Variants in ATG7 observed in about 807,000 individuals in gnomAD.
ATG7 encodes ubiquitin-like modifier-activating enzyme ATG7.
In ATG7, 70 loss-of-function variants were observed where a neutral mutation model predicts 82.4. The observed-to-expected ratio is 0.85, with a 90% CI of 0.70 to 1.04. The LOEUF (loss-of-function observed/expected upper bound fraction) is 1.04, where lower values mean the gene tolerates loss of function less well. Among genes scored for constraint, ATG7 ranks in the 50% least tolerant of loss-of-function variants. The pLI, the probability that ATG7 is intolerant of heterozygous loss-of-function variation, is 0.00. For synonymous variants in ATG7, 287 were observed against 313.0 expected (o/e 0.92, Z 0.88); for missense variants, 792 against 864.3 (o/e 0.92, Z 1.05).
At chr3:11,512,900 G>A (rs1001288809) in intron 20 of ATG7, among the ~76,000 whole-genome samples, 11 of 152,128 alleles carry the variant, frequency 7.2e-5, no homozygotes, top group Non-Finnish European at 1.3e-4. Flanking sequence ...GCTGATTGGT[G>A]CGTTTACAAT....
chr3:11,469,712 A>G (rs148425353), intron 20 of ATG7, among the ~76,000 whole-genome samples: 250 of 150,796 alleles, frequency 1.7e-3, no homozygotes, highest in African/African-American at 5.7e-3. Context: ...GGGGCCAAGC[A>G]TGGTGGCTCC....
intron 20 of ATG7, among the ~76,000 whole-genome samples, chr3:11,452,605 G>C (rs987873816): frequency 3.9e-4 from 59 of 152,156 alleles, no homozygotes; most frequent in African/African-American, 1.4e-3. Flanking sequence ...GTAGGGAAAA[G>C]ACCAAGGAGT....
chr3:11,406,824 AC>A (rs1241638138), intron 19 of ATG7, among the ~76,000 whole-genome samples: 1 of 151,832 alleles, frequency 6.6e-6, no homozygotes, highest in African/African-American at 2.4e-5. Context: ...GGAAAGACCC[AC>A]CCCCATGATT....
At position 11,514,840 on chromosome 3, in the gene ATG7, G is replaced by GTT. The variant is rs751529129; in HGVS notation, c.2080-39955_2080-39954dup. Among the ~76,000 whole-genome samples the GTT allele has an allele frequency of 3.3e-3, 458 of 139,890 alleles. 4 individuals are homozygous for GTT. The highest frequency in any genetic ancestry group is 8.3e-3 in the African/African-American group (317 of 38,004). The allele number at this position is 139,890 out of a possible 152,430, so 91.8% of individuals were successfully genotyped here. ...AAGTTGCCAAGTGCATCTGGTCTAG[G>GTT]TTTTTTTTTTTTTTTTTGGAGAGAG... is the stretch of plus-strand genomic sequence containing the variant. On this transcript the variant is annotated intron_variant, in intron 20 of 20. Transcript: ENST00000693202.
intron 10 of ATG7, chr3:11,332,697 G>C (rs957942548): frequency 4.3e-6 from 1 of 231,254 alleles, no homozygotes; most frequent in African/African-American, 2.3e-5. Context: ...AGATTTACTT[G>C]TCGGAATTAT....
intron 3 of ATG7, among the ~76,000 whole-genome samples, chr3:11,296,553 G>A (rs543868591): frequency 8.5e-5 from 13 of 152,096 alleles, no homozygotes; most frequent in Admixed American, 1.3e-4. Context: ...TACCCACTGC[G>A]GAATCATATT....
At chr3:11,506,584 ACCC>A (rs1379226701) in intron 20 of ATG7, among the ~76,000 whole-genome samples, 1,548 of 13,562 alleles carry the variant, frequency 0.11, 52 homozygotes, top group African/African-American at 0.21. Context: ...AAAAAAAAAA[ACCC>A]AAAAATTAGC....
chr3:11,433,289 TAAAAAAAAAAAAAAA>T (rs56859088), intron 20 of ATG7, among the ~76,000 whole-genome samples: 1 of 83,802 alleles, frequency 1.2e-5, no homozygotes, highest in Non-Finnish European at 2.3e-5. Flanking sequence ...GTCTCTTATT[TAAAAAAAAAAAAAAA>T]AAAAAAAAAA....
chr3:11,281,025 C>T lies in ATG7; in HGVS notation c.-334C>T, dbSNP rs1468560023. On this transcript the variant is annotated 5_prime_UTR_variant, in exon 2 of 21. Transcript: ENST00000693202. Reference sequence around the variant, plus strand: ...ATTCCTGTATCTTCACCTTGTCTACCGGGATTTCTAGAGCAGCCTTGTGAG... The same window carrying T: ...ATTCCTGTATCTTCACCTTGTCTACTGGGATTTCTAGAGCAGCCTTGTGAG... The T allele has an allele frequency of 6.6e-6, 1 of 152,170 alleles. No individual in the cohort carries two copies. Among genetic ancestry groups the T allele is most frequent in the African/African-American group, 2.4e-5 (1 of 41,432 alleles). The allele number at this position is 152,170 out of a possible 1,614,324, so 9.4% of individuals were successfully genotyped here.
chr3:11,559,473 G>A (rs1575343580), downstream of ATG7: 1 of 1,544,028 alleles, frequency 6.5e-7, no homozygotes, highest in African/African-American at 1.4e-5. Flanking sequence ...GAGGAGGGGT[G>A]TCAGTATGTG....
intron 20 of ATG7, among the ~76,000 whole-genome samples, chr3:11,463,137 C>T (rs1432804903): frequency 2.0e-5 from 3 of 151,924 alleles, no homozygotes; most frequent in South Asian, 2.1e-4. Context: ...TGCCCTCCTC[C>T]GCCTCCCAAA....
intron 20 of ATG7, among the ~76,000 whole-genome samples, chr3:11,506,554 CAAAAAAAAAAAA>C (rs754696496): frequency 4.4e-4 from 11 of 24,920 alleles, no homozygotes; most frequent in Non-Finnish European, 7.3e-4. Flanking sequence ...CCCATCTCTA[CAAAAAAAAAAAA>C]AAAAAAAAAA....
At chr3:11,354,650 C>CAAAAAAAAAA (rs5846706) in intron 14 of ATG7, among the ~76,000 whole-genome samples, 3 of 61,954 alleles carry the variant, frequency 4.8e-5, no homozygotes, top group Non-Finnish European at 5.8e-5. Context: ...TCCATCTCAC[C>CAAAAAAAAAA]AAAAAAAAAA....
intron 7 of ATG7, among the ~76,000 whole-genome samples, chr3:11,310,910 G>C (rs1489521524): frequency 3.3e-5 from 5 of 152,154 alleles, no homozygotes; most frequent in African/African-American, 4.8e-5. Context: ...GGGATTACAG[G>C]CATGAGCCAC....
intron 11 of ATG7, among the ~76,000 whole-genome samples, chr3:11,338,201 T>G (rs934276541): frequency 1.3e-5 from 2 of 152,136 alleles, no homozygotes; most frequent in Admixed American, 1.3e-4. Context: ...ACTGAGAACA[T>G]GTAGTATTTG....
chr3:11,472,303 G>C (rs1158480450), intron 20 of ATG7, among the ~76,000 whole-genome samples: 1 of 152,104 alleles, frequency 6.6e-6, no homozygotes, highest in Non-Finnish European at 1.5e-5. Context: ...CTGCTAGCAA[G>C]ATGGCAATTG....
chr3:11,392,090 T>C (rs866188227), intron 19 of ATG7, among the ~76,000 whole-genome samples: 7 of 152,304 alleles, frequency 4.6e-5, no homozygotes, highest in Middle Eastern at 6.8e-3. Context: ...GTATTTCTTA[T>C]GGTCATGTTT....
the ATG7 span, among the ~76,000 whole-genome samples, chr3:11,566,209 G>C: frequency 1.3e-5 from 2 of 152,060 alleles, no homozygotes; most frequent in South Asian, 4.1e-4. Flanking sequence ...CACACACACT[G>C]AATGTTACAC....
At chr3:11,415,304 G>C (rs977035020) in intron 19 of ATG7, among the ~76,000 whole-genome samples, 3 of 152,166 alleles carry the variant, frequency 2.0e-5, no homozygotes, top group African/African-American at 7.2e-5. Context: ...AGTAGTGAGT[G>C]ACTGTGAAGG....
Sources: allele counts gnomAD v4.1 joint callset (sites outside exome capture counted in the v4.1 genomes callset), GRCh38; gene constraint gnomAD v4.1.1; transcripts MANE v1.5; gene names NCBI Gene and HGNC (gene_info 2026-07-23, HGNC 2026-07-21).